The following CTNNA3 variants were observed in gnomAD, a reference collection of about 807,000 sequenced individuals.
CTNNA3 encodes catenin alpha 3.
CTNNA3 carries 76 observed loss-of-function variants against 95.7 expected under a neutral mutation model. That is an observed-to-expected ratio of 0.79 (90% confidence interval 0.66 to 0.96). CTNNA3 has a LOEUF of 0.96. Ranked by LOEUF, CTNNA3 falls within the 40% of genes least tolerant of loss-of-function variation. The pLI is 0.00. For missense variants in CTNNA3, 1,191 were observed against 1,089.8 expected (o/e 1.09, Z -1.31); for synonymous variants, 431 against 374.4 (o/e 1.15, Z -1.74).
At chr10:66,894,038 G>C (rs977442388) in intron 7 of CTNNA3, among the ~76,000 whole-genome samples, 3 of 151,888 alleles carry the variant, frequency 2.0e-5, no homozygotes, top group African/African-American at 7.2e-5. Flanking sequence ...ATAACAGAAA[G>C]AAAAAAGTTA....
chr10:67,360,599 C>G (rs1842962585), intron 5 of CTNNA3, among the ~76,000 whole-genome samples: 2 of 152,088 alleles, frequency 1.3e-5, no homozygotes, highest in Non-Finnish European at 2.9e-5. Context: ...AATTGACTTA[C>G]AGTTCTACAG....
rs952179366 is a variant in CTNNA3, at chr10:66,899,974, T to A, written c.1048-124450A>T. Among the ~76,000 whole-genome samples the A allele has an allele frequency of 3.3e-5, 5 of 152,208 alleles. No homozygotes were observed. In the East Asian group the frequency reaches 7.8e-4, roughly 24 times the overall value. ...AACTTCAGACTTAAAGGCCCCTGTG[T>A]GACAGCTCTGAAGAGAGCAGGGGTT... is the stretch of plus-strand genomic sequence containing the variant. On this transcript the variant is annotated intron_variant, in intron 7 of 17. Coordinates refer to ENST00000433211, the MANE Select transcript of CTNNA3 (RefSeq NM_013266.4).
At chr10:66,157,572 A>C (rs990997230) in intron 13 of CTNNA3, among the ~76,000 whole-genome samples, 1 of 151,986 alleles carries the variant, frequency 6.6e-6, no homozygotes, top group African/African-American at 2.4e-5. Context: ...TCATTGAGTG[A>C]TGGGCATTTG....
chr10:66,926,791 G>T (rs1020401277), intron 7 of CTNNA3: 4 of 965,744 alleles, frequency 4.1e-6, no homozygotes, highest in African/African-American at 3.3e-5. Context: ...ATTACAAAGA[G>T]ATAATATGTG....
At chr10:66,691,063 T>C (rs1847512437) in intron 9 of CTNNA3, among the ~76,000 whole-genome samples, 1 of 152,314 alleles carries the variant, frequency 6.6e-6, no homozygotes, top group African/African-American at 2.4e-5. Flanking sequence ...CATTTCCATC[T>C]GAGGTACCAG....
chr10:67,239,512 G>T (rs574093505), intron 5 of CTNNA3, among the ~76,000 whole-genome samples: 1 of 152,118 alleles, frequency 6.6e-6, no homozygotes, highest in Admixed American at 6.5e-5. Flanking sequence ...TAAACAGGGA[G>T]GAGGAATCTT....
intron 7 of CTNNA3, among the ~76,000 whole-genome samples, chr10:67,073,038 G>A (rs532809631): frequency 1.1e-4 from 17 of 152,238 alleles, no homozygotes; most frequent in African/African-American, 2.4e-4. Flanking sequence ...GACACCTTCC[G>A]CCTAGGCCCA....
intron 13 of CTNNA3, among the ~76,000 whole-genome samples, chr10:66,265,356 A>G (rs1422138085): frequency 6.6e-6 from 1 of 152,004 alleles, no homozygotes; most frequent in African/African-American, 2.4e-5. Context: ...GTACTGCTTG[A>G]TTAACATACT....
At position 67,644,640 on chromosome 10, in the gene CTNNA3, G is replaced by A. The variant is rs922699221; in HGVS notation, c.99+2775C>T. ...AAATATAACTCTTTGACTTTGAAAT[G>A]TACTGGTTTTTGATAAGGAGAATCC... On this transcript the variant is annotated intron_variant, in intron 2 of 17. Coordinates refer to ENST00000433211, the MANE Select transcript of CTNNA3 (RefSeq NM_013266.4). 9.9e-5 allele frequency among the ~76,000 whole-genome samples: 15 copies of A among 151,958 alleles called. No homozygotes were observed. In the East Asian group the frequency reaches 2.7e-3, roughly 27 times the overall value.
intron 12 of CTNNA3, among the ~76,000 whole-genome samples, chr10:66,363,851 T>C (rs958468681): frequency 6.6e-6 from 1 of 152,196 alleles, no homozygotes; most frequent in Non-Finnish European, 1.5e-5. Context: ...AATAACTTGC[T>C]ATTTATAGAA....
intron 1 of CTNNA3, among the ~76,000 whole-genome samples, chr10:67,706,869 C>T (rs930933274): frequency 2.0e-5 from 3 of 152,162 alleles, no homozygotes; most frequent in African/African-American, 7.2e-5. Context: ...TCTAAACTGC[C>T]TTGTCCATCT....
intron 5 of CTNNA3, among the ~76,000 whole-genome samples, chr10:67,300,383 C>T (rs898281940): frequency 2.0e-5 from 3 of 152,158 alleles, no homozygotes; most frequent in African/African-American, 7.2e-5. Context: ...TCATCTCCTT[C>T]CTACAGAGGA....
At chr10:66,245,219 C>T (rs530855413) in intron 13 of CTNNA3, among the ~76,000 whole-genome samples, 1 of 152,284 alleles carries the variant, frequency 6.6e-6, no homozygotes, top group Admixed American at 6.5e-5. Flanking sequence ...CTCTGCAAGG[C>T]ATAGTTGAAC....
At chr10:66,439,959 T>A (rs1377610198) in intron 11 of CTNNA3, among the ~76,000 whole-genome samples, 1 of 152,182 alleles carries the variant, frequency 6.6e-6, no homozygotes, top group Non-Finnish European at 1.5e-5. Flanking sequence ...TTTATTTCAT[T>A]CCTATAAAAT....
In CTNNA3 at chr10:67,646,112, CT is replaced by C. The variant is rs571411794; in HGVS notation, c.99+1302del. Among the ~76,000 whole-genome samples, 61 of 148,644 alleles carry C rather than the reference CT, an allele frequency of 4.1e-4. 2 individuals are homozygous for C. In the South Asian group the frequency reaches 0.012, roughly 30 times the overall value. ...TGGTAAAATTATGAGTGTTTTTATT[CT>C]TTTTTTTAACTTTTTTTGACATTCC... On this transcript the variant is annotated intron_variant, in intron 2 of 17. Coordinates refer to ENST00000433211, the MANE Select transcript of CTNNA3 (RefSeq NM_013266.4).
intron 11 of CTNNA3, among the ~76,000 whole-genome samples, chr10:66,465,818 C>G (rs1838889724): frequency 6.6e-6 from 1 of 152,018 alleles, no homozygotes; most frequent in Non-Finnish European, 1.5e-5. Flanking sequence ...TGATAGGGAT[C>G]CCACAGAATT....
chr10:67,034,716 C>A (rs2133122202), intron 7 of CTNNA3, among the ~76,000 whole-genome samples: 2 of 152,318 alleles, frequency 1.3e-5, no homozygotes, highest in East Asian at 3.9e-4. Flanking sequence ...TACTCAGATG[C>A]AAAAACTGAC....
chr10:67,091,652 A>G (rs1413897500), intron 7 of CTNNA3, among the ~76,000 whole-genome samples: 1 of 152,094 alleles, frequency 6.6e-6, no homozygotes, highest in Non-Finnish European at 1.5e-5. Flanking sequence ...CACTAAGGTG[A>G]AAAAGGTAAT....
chr10:66,765,112 G>A (rs1839787497), intron 9 of CTNNA3, among the ~76,000 whole-genome samples: 1 of 152,140 alleles, frequency 6.6e-6, no homozygotes, highest in African/African-American at 2.4e-5. Flanking sequence ...TAGCAATCAT[G>A]TATTCATCCA....
Sources: gnomAD v4.1 joint callset for allele counts (sites outside exome capture counted in the v4.1 genomes callset) on GRCh38, gnomAD v4.1.1 for gene constraint, MANE v1.5 for transcripts, NCBI Gene and HGNC (gene_info 2026-07-23, HGNC 2026-07-21) for gene names.